LEKR1: variants seen among roughly 807,000 people sequenced by gnomAD.
LEKR1 encodes the protein leucine, glutamate and lysine rich 1, also known as protein LEKR1.
Under a neutral mutation model 72.4 loss-of-function variants are expected in LEKR1, and 59 were observed. The ratio of observed to expected loss-of-function variants is 0.82; its 90% CI spans 0.66 to 1.01. The LOEUF is 1.01. Ranked by LOEUF, LEKR1 falls within the 50% of genes least tolerant of loss-of-function variation. The pLI, the probability that LEKR1 is intolerant of heterozygous loss-of-function variation, is 0.00. For missense variants in LEKR1, 728 were observed against 759.2 expected (o/e 0.96, Z 0.48); for synonymous variants, 257 against 263.2 (o/e 0.98, Z 0.23).
At chr3:156,931,429 A>G (rs1725214726) in intron 5 of LEKR1, among the ~76,000 whole-genome samples, 1 of 152,170 alleles carries the variant, frequency 6.6e-6, no homozygotes, top group East Asian at 1.9e-4. Context: ...TAGAGAAAAT[A>G]TCTGACAGTT....
At chr3:156,980,760 G>A (rs1299432245) in intron 7 of LEKR1, among the ~76,000 whole-genome samples, 2 of 152,130 alleles carry the variant, frequency 1.3e-5, no homozygotes, top group African/African-American at 4.8e-5. Context: ...GGGAATTTGT[G>A]GGCATACCAA....
intron 2 of LEKR1, among the ~76,000 whole-genome samples, chr3:156,839,748 A>G (rs148238086): frequency 7.2e-5 from 11 of 152,324 alleles, no homozygotes; most frequent in Non-Finnish European, 1.3e-4. Context: ...AAGGGTTTCA[A>G]TTATTCGAGA....
intron 3 of LEKR1, among the ~76,000 whole-genome samples, chr3:156,914,639 T>G (rs1261370182): frequency 6.6e-6 from 1 of 152,208 alleles, no homozygotes; most frequent in Non-Finnish European, 1.5e-5. Context: ...TTGTTTTAAT[T>G]GAGTTTCATG....
At chr3:156,942,872 G>A in intron 6 of LEKR1, 158 bp downstream of exon 6, 1 of 320,810 alleles carries the variant, frequency 3.1e-6, no homozygotes, top group Non-Finnish European at 5.8e-6. Flanking sequence ...AACTGTGTCT[G>A]TGGTCAATAC....
At chr3:156,945,849 A>G (rs969041982) in intron 6 of LEKR1, among the ~76,000 whole-genome samples, 2 of 151,598 alleles carry the variant, frequency 1.3e-5, no homozygotes, top group African/African-American at 2.4e-5. Flanking sequence ...TTTGTTTACT[A>G]TAGCTCTGTA....
intron 2 of LEKR1, among the ~76,000 whole-genome samples, chr3:156,831,286 C>T (rs1479947878): frequency 1.3e-5 from 2 of 152,100 alleles, no homozygotes; most frequent in African/African-American, 4.8e-5. Context: ...ATGTTAATTA[C>T]AGGAATAATT....
intron 3 of LEKR1, among the ~76,000 whole-genome samples, chr3:156,858,674 CAAAA>C (rs796279918): frequency 8.2e-6 from 1 of 122,164 alleles, no homozygotes. Context: ...GACCCTGTCT[CAAAA>C]AAAAAAAAAA....
intron 3 of LEKR1, among the ~76,000 whole-genome samples, chr3:156,882,670 A>G (rs1576733566): frequency 6.6e-6 from 1 of 152,212 alleles, no homozygotes; most frequent in Admixed American, 6.5e-5. Flanking sequence ...CCAAAGGACT[A>G]TAAATCATGC....
At chr3:156,910,047 G>T (rs1722956925) in intron 3 of LEKR1, among the ~76,000 whole-genome samples, 1 of 152,084 alleles carries the variant, frequency 6.6e-6, no homozygotes, top group African/African-American at 2.4e-5. Flanking sequence ...TATGCTAAGA[G>T]AAATAAGAGA....
chr3:157,039,639 C>G (rs1368438394), intron 12 of LEKR1, among the ~76,000 whole-genome samples: 1 of 152,062 alleles, frequency 6.6e-6, no homozygotes, highest in Non-Finnish European at 1.5e-5. Flanking sequence ...AAGAAAAAAG[C>G]TTATTAACAA....
chr3:156,972,293 A>G (rs144767884), intron 6 of LEKR1, among the ~76,000 whole-genome samples: 3,739 of 151,754 alleles, frequency 0.025, 146 homozygotes, highest in East Asian at 0.16. Flanking sequence ...TTGAACAATG[A>G]GAATACATGG....
chr3:156,989,979 T>C (rs1731021726), intron 7 of LEKR1, among the ~76,000 whole-genome samples: 1 of 152,220 alleles, frequency 6.6e-6, no homozygotes, highest in African/African-American at 2.4e-5. Context: ...ACCATCCATA[T>C]TTCAATTTTG....
intron 5 of LEKR1, among the ~76,000 whole-genome samples, chr3:156,932,764 C>G (rs1383118469): frequency 6.7e-6 from 1 of 150,130 alleles, no homozygotes; most frequent in Admixed American, 6.7e-5. Context: ...GGCATGGTGG[C>G]TCACGCCTGT....
At chr3:156,903,321 A>AT (rs1008365855) in intron 3 of LEKR1, among the ~76,000 whole-genome samples, 9 of 151,870 alleles carry the variant, frequency 5.9e-5, no homozygotes, top group African/African-American at 2.4e-5. Context: ...ACTTTTAGTG[A>AT]TTTTTTGTTT....
intron 11 of LEKR1, among the ~76,000 whole-genome samples, chr3:157,025,400 A>G (rs187844711): frequency 2.6e-5 from 4 of 152,318 alleles, no homozygotes; most frequent in Non-Finnish European, 4.4e-5. Flanking sequence ...TGTTCTAAAT[A>G]CTAAAGGTTT....
chr3:157,043,075 G>A (rs900266213), intron 12 of LEKR1, among the ~76,000 whole-genome samples: 1 of 152,072 alleles, frequency 6.6e-6, no homozygotes, highest in Non-Finnish European at 1.5e-5. Flanking sequence ...GTTGTTTAAA[G>A]TGTGTAGGGC....
chr3:156,894,626 T>C (rs1202634439), intron 3 of LEKR1, among the ~76,000 whole-genome samples: 4 of 152,182 alleles, frequency 2.6e-5, no homozygotes, highest in African/African-American at 9.6e-5. Flanking sequence ...GGCATCACAC[T>C]ACCCAACTGC....
intron 10 of LEKR1, among the ~76,000 whole-genome samples, chr3:157,020,330 A>C (rs1227818832): frequency 2.7e-5 from 4 of 147,006 alleles, no homozygotes; most frequent in African/African-American, 5.0e-5. Context: ...CACAATGTGC[A>C]GGTTAGTTAC....
intron 6 of LEKR1, among the ~76,000 whole-genome samples, chr3:156,970,640 CAA>C (rs1189761063): frequency 6.6e-6 from 1 of 152,124 alleles, no homozygotes; most frequent in Non-Finnish European, 1.5e-5. Flanking sequence ...GCAACTTCAG[CAA>C]AGTCTCAGGA....
Sources: gnomAD v4.1 joint callset for allele counts (sites outside exome capture counted in the v4.1 genomes callset) on GRCh38, gnomAD v4.1.1 for gene constraint, MANE v1.5 for transcripts, NCBI Gene and HGNC (gene_info 2026-07-23, HGNC 2026-07-21) for gene names.